Variants in PDE10A observed in about 807,000 individuals in gnomAD.
PDE10A encodes the protein phosphodiesterase 10A.
PDE10A carries 39 observed loss-of-function variants against 97.7 expected under a neutral mutation model. That is an observed-to-expected ratio of 0.40 (90% confidence interval 0.31 to 0.52). The LOEUF (loss-of-function observed/expected upper bound fraction) is 0.52. Ranked by LOEUF, PDE10A falls within the 20% of genes least tolerant of loss-of-function variation. PDE10A has a pLI of 0.56. For missense variants in PDE10A, 731 were observed against 1,047.8 expected (o/e 0.70, Z 4.17); for synonymous variants, 371 against 376.8 (o/e 0.98, Z 0.18).
At chr6:165,359,929 G>A (rs770455790) in intron 18 of PDE10A, among the ~76,000 whole-genome samples, 15 of 152,010 alleles carry the variant, frequency 9.9e-5, no homozygotes, top group South Asian at 2.1e-4. Context: ...CCCTATTTCT[G>A]ACAGTCCATT....
intron 2 of PDE10A, among the ~76,000 whole-genome samples, chr6:165,514,489 C>G (rs1781678516): frequency 6.6e-6 from 1 of 152,184 alleles, no homozygotes; most frequent in South Asian, 2.1e-4. Flanking sequence ...TCCACTAGGA[C>G]CCTTTCCAAG....
At chr6:165,383,896 G>C (rs1422609364) in intron 17 of PDE10A, among the ~76,000 whole-genome samples, 1 of 152,156 alleles carries the variant, frequency 6.6e-6, no homozygotes, top group East Asian at 1.9e-4. Context: ...GGTCATGCCT[G>C]AGTGGGGGGC....
intron 20 of PDE10A, among the ~76,000 whole-genome samples, chr6:165,339,033 G>C (rs1265805399): frequency 6.6e-6 from 1 of 152,190 alleles, no homozygotes; most frequent in Non-Finnish European, 1.5e-5. Context: ...CTACTTTTCT[G>C]AGTGTCTTAG....
intron 2 of PDE10A, among the ~76,000 whole-genome samples, chr6:165,511,794 T>A (rs1781525440): frequency 6.6e-6 from 1 of 152,054 alleles, no homozygotes; most frequent in South Asian, 2.1e-4. Context: ...CTTTATGGTT[T>A]TTTACTTAAA....
At chr6:165,942,002 C>A (rs891537697) in intron 1 of PDE10A, among the ~76,000 whole-genome samples, 4 of 152,188 alleles carry the variant, frequency 2.6e-5, no homozygotes, top group African/African-American at 7.2e-5. Flanking sequence ...AGTCATCGTT[C>A]CTATCCACAT....
At chr6:165,882,570 T>G (rs1016050172) in intron 1 of PDE10A, among the ~76,000 whole-genome samples, 1 of 152,192 alleles carries the variant, frequency 6.6e-6, no homozygotes, top group Non-Finnish European at 1.5e-5. Context: ...AGCATGGCCA[T>G]GAGTTGTAGA....
chr6:165,866,300 C>A (rs1002746156), intron 1 of PDE10A, among the ~76,000 whole-genome samples: 4 of 151,718 alleles, frequency 2.6e-5, no homozygotes, highest in Non-Finnish European at 5.9e-5. Flanking sequence ...ATGACCACAT[C>A]TGTTGAAGCT....
Position 165,363,613 on chromosome 6 carries a change from C to T in PDE10A, c.2783+15581G>A, listed in dbSNP as rs747899040. Reference sequence around the variant, plus strand: ...CTATCTCTATTTGAAGACGACATGACCTTGTGTGCACAAAGAGAAACCTAA... The same window carrying T: ...CTATCTCTATTTGAAGACGACATGATCTTGTGTGCACAAAGAGAAACCTAA... On this transcript the variant is annotated intron_variant, in intron 18 of 21. Coordinates refer to ENST00000539869, the MANE Select transcript of PDE10A (RefSeq NM_001385079.1). 6.5e-4 allele frequency among the ~76,000 whole-genome samples: 99 copies of T among 151,988 alleles called. 1 individual carries two copies. The highest frequency in any genetic ancestry group is 2.6e-4 in the Non-Finnish European group (18 of 67,986).
intron 1 of PDE10A, among the ~76,000 whole-genome samples, chr6:165,593,362 G>T (rs1786396438): frequency 6.6e-6 from 1 of 152,068 alleles, no homozygotes; most frequent in Non-Finnish European, 1.5e-5. Flanking sequence ...CGGTTGATGG[G>T]TGCTGCAAAC....
At chr6:165,757,674 C>A (rs927012349) in intron 1 of PDE10A, among the ~76,000 whole-genome samples, 25 of 152,114 alleles carry the variant, frequency 1.6e-4, no homozygotes, top group African/African-American at 6.0e-4. Context: ...ACTTTCTAAT[C>A]TGTTGCATTG....
chr6:165,654,576 CTCTT>C (rs2128427158), intron 1 of PDE10A, among the ~76,000 whole-genome samples: 1 of 152,334 alleles, frequency 6.6e-6, no homozygotes, highest in Non-Finnish European at 1.5e-5. Context: ...TCGCCCTGTC[CTCTT>C]TAAGGTTTGT....
chr6:165,603,031 G>A (rs892708504), intron 1 of PDE10A, among the ~76,000 whole-genome samples: 7 of 152,128 alleles, frequency 4.6e-5, no homozygotes, highest in Admixed American at 3.3e-4. Flanking sequence ...TTTTAGAAGA[G>A]GGAAAATAAG....
At chr6:165,619,602 GTGCACTGTAGTCTAGTGTAC>G (rs1788009781) in intron 1 of PDE10A, among the ~76,000 whole-genome samples, 3 of 151,870 alleles carry the variant, frequency 2.0e-5, no homozygotes, top group African/African-American at 7.3e-5. Context: ...GTCTAGCGTA[GTGCACTGTAGTCTAGTGTAC>G]TGTAGTATAG....
intron 1 of PDE10A, among the ~76,000 whole-genome samples, chr6:165,886,803 C>T (rs766274513): frequency 1.3e-5 from 2 of 152,114 alleles, no homozygotes; most frequent in Non-Finnish European, 2.9e-5. Flanking sequence ...AGGAACATAC[C>T]TTTCTCTAGT....
intron 1 of PDE10A, among the ~76,000 whole-genome samples, chr6:165,977,124 C>T (rs1784872531): frequency 6.6e-6 from 1 of 152,202 alleles, no homozygotes; most frequent in Admixed American, 6.5e-5. Context: ...TCCCTTTCTA[C>T]TTCACAGTTA....
intron 1 of PDE10A, among the ~76,000 whole-genome samples, chr6:165,911,102 T>G (rs531518406): frequency 1.5e-4 from 23 of 152,210 alleles, no homozygotes; most frequent in Non-Finnish European, 2.8e-4. Flanking sequence ...AGAATCACAA[T>G]GCTATTTTTA....
Position 165,661,908 on chromosome 6 carries a change from GC to G in PDE10A, c.865+38del, listed in dbSNP as rs771487463. 8 of 813,984 alleles carry G rather than the reference GC, an allele frequency of 9.8e-6. No homozygotes were observed. Among genetic ancestry groups the G allele is most frequent in the Non-Finnish European group, 1.6e-5 (8 of 485,806 alleles). The allele number at this position is 813,984 out of a possible 1,614,324, so 50.4% of individuals were successfully genotyped here. A position where few individuals can be genotyped will look rare whatever the true frequency, so the allele number is the denominator to read the frequency against. On this transcript the variant is annotated intron_variant, in intron 1 of 21. Coordinates refer to ENST00000539869, the MANE Select transcript of PDE10A (RefSeq NM_001385079.1). The surrounding 1 kb of genome is among the most constrained non-coding windows in gnomAD (Gnocchi z 4.8). Reference sequence around the variant, plus strand: ...CCCACCTGCCCCCAGGGGATGAGGAGCCGCCCCACCTCCGGGGAACGGGGAG... The same window carrying G: ...CCCACCTGCCCCCAGGGGATGAGGAGCGCCCCACCTCCGGGGAACGGGGAG...
rs1400045428 is a variant in PDE10A at position 165,663,094 on chromosome 6, C to G, written c.-283G>C. Among the ~76,000 whole-genome samples the G allele has an allele frequency of 6.6e-6, 1 of 151,580 alleles. No individual in the cohort carries two copies. Among genetic ancestry groups the G allele is most frequent in the Admixed American group, 6.6e-5 (1 of 15,242 alleles). On this transcript the variant is annotated 5_prime_UTR_variant, in exon 1 of 22. Coordinates refer to ENST00000539869, the MANE Select transcript of PDE10A (RefSeq NM_001385079.1). ...CGTCCTCCCGGGCCGGGGCTAGGGA[C>G]GGCGGAGACCCTCCCTGCAGGCGTG...
chr6:165,751,704 C>T (rs1447437063), intron 1 of PDE10A, among the ~76,000 whole-genome samples: 1 of 152,174 alleles, frequency 6.6e-6, no homozygotes, highest in African/African-American at 2.4e-5. Flanking sequence ...TGCTCATCAG[C>T]ATAAGACAGT....
Sources: allele counts gnomAD v4.1 joint callset (sites outside exome capture counted in the v4.1 genomes callset), GRCh38; gene constraint gnomAD v4.1.1; non-coding constraint Gnocchi (gnomAD v3.1); transcripts MANE v1.5; gene names NCBI Gene and HGNC (gene_info 2026-07-23, HGNC 2026-07-21).